Variants in ZNF475 observed in about 807,000 individuals in gnomAD.
ZNF475 encodes zinc finger protein 475.
the ZNF475 span, among the ~76,000 whole-genome samples, chr5:122,178,188 T>C: frequency 6.6e-6 from 1 of 152,172 alleles, no homozygotes; most frequent in Non-Finnish European, 1.5e-5. Flanking sequence ...TATTGTGAAC[T>C]GTGCTGCAGT....
At chr5:122,176,389 T>G in the ZNF475 span, among the ~76,000 whole-genome samples, 1 of 152,214 alleles carries the variant, frequency 6.6e-6, no homozygotes, top group Non-Finnish European at 1.5e-5. Context: ...TTATTTAAAT[T>G]CTACAATTAT....
the ZNF475 span, chr5:122,179,607 G>A: frequency 6.5e-7 from 1 of 1,531,052 alleles, no homozygotes; most frequent in Non-Finnish European, 8.7e-7. Context: ...TCGTGAATAT[G>A]GAACAAAATC....
chr5:122,162,295 A>G, the ZNF475 span: 1 of 152,360 alleles, frequency 6.6e-6, no homozygotes, highest in East Asian at 1.9e-4. Flanking sequence ...GACAGACCGG[A>G]TTGGGAAATT....
the ZNF475 span, chr5:122,180,014 C>T: frequency 1.3e-5 from 3 of 222,266 alleles, no homozygotes; most frequent in Non-Finnish European, 1.7e-5. Flanking sequence ...ATCATCAAAC[C>T]CTTTGAATGT....
chr5:122,173,845 T>TA, the ZNF475 span, among the ~76,000 whole-genome samples: 55 of 152,204 alleles, frequency 3.6e-4, no homozygotes, highest in Admixed American at 3.4e-3. Context: ...TAACTTTTTG[T>TA]AAAAAAAGTC....
chr5:122,170,309 C>T, the ZNF475 span, among the ~76,000 whole-genome samples: 1 of 152,142 alleles, frequency 6.6e-6, no homozygotes, highest in African/African-American at 2.4e-5. Context: ...GACTGCCCCC[C>T]AGCTTCAGAA....
At chr5:122,169,002 C>T in the ZNF475 span, among the ~76,000 whole-genome samples, 1 of 152,200 alleles carries the variant, frequency 6.6e-6, no homozygotes, top group Admixed American at 6.5e-5. Flanking sequence ...ACACTTAGAA[C>T]ATGTTGCGAC....
chr5:122,161,589 G>A, the ZNF475 span, among the ~76,000 whole-genome samples: 246 of 152,320 alleles, frequency 1.6e-3, 1 homozygote, highest in African/African-American at 5.6e-3. Context: ...CACATAAGCT[G>A]TAGACAAATC....
At chr5:122,166,960 C>G in the ZNF475 span, among the ~76,000 whole-genome samples, 6 of 152,152 alleles carry the variant, frequency 3.9e-5, no homozygotes, top group African/African-American at 1.4e-4. Flanking sequence ...GCTTTTGTTG[C>G]CATTGCTTTT....
At chr5:122,163,375 G>C in the ZNF475 span, 1 of 152,224 alleles carries the variant, frequency 6.6e-6, no homozygotes, top group South Asian at 2.1e-4. Context: ...CACTTGGTCA[G>C]ACATGTTTAA....
At chr5:122,181,329 A>G in the ZNF475 span, among the ~76,000 whole-genome samples, 1 of 152,332 alleles carries the variant, frequency 6.6e-6, no homozygotes, top group African/African-American at 2.4e-5. Context: ...ATCACCTTCA[A>G]GTGAGAGTCA....
the ZNF475 span, among the ~76,000 whole-genome samples, chr5:122,179,333 G>T: frequency 5.9e-5 from 9 of 152,206 alleles, no homozygotes; most frequent in African/African-American, 2.2e-4. Flanking sequence ...ACTTTGTGTA[G>T]TATGGCCGTT....
At chr5:122,165,332 T>C in the ZNF475 span, among the ~76,000 whole-genome samples, 1 of 152,226 alleles carries the variant, frequency 6.6e-6, no homozygotes, top group Non-Finnish European at 1.5e-5. Context: ...CAGATATTTA[T>C]GGACTAGCAA....
the ZNF475 span, among the ~76,000 whole-genome samples, chr5:122,175,681 C>G: frequency 8.5e-5 from 13 of 152,184 alleles, no homozygotes; most frequent in South Asian, 1.0e-3. Flanking sequence ...CTACAAACAC[C>G]TTTTCCCTTT....
the ZNF475 span, among the ~76,000 whole-genome samples, chr5:122,170,050 A>T: frequency 1.3e-5 from 2 of 152,252 alleles, no homozygotes; most frequent in South Asian, 4.1e-4. Context: ...TCATCATACA[A>T]GTATTTAACT....
At chr5:122,172,414 A>G in the ZNF475 span, among the ~76,000 whole-genome samples, 5 of 152,284 alleles carry the variant, frequency 3.3e-5, no homozygotes, top group African/African-American at 9.6e-5. Flanking sequence ...TTAACAATGA[A>G]TCATCTATTG....
the ZNF475 span, among the ~76,000 whole-genome samples, chr5:122,161,697 G>A: frequency 6.6e-6 from 1 of 151,926 alleles, no homozygotes; most frequent in Non-Finnish European, 1.5e-5. Context: ...GTCTGCCGTA[G>A]CCCATGGATT....
At chr5:122,160,240 CATCGACAG>C in the ZNF475 span, 8 of 1,289,816 alleles carry the variant, frequency 6.2e-6, no homozygotes, top group East Asian at 4.4e-4. Flanking sequence ...ATGGCTCTCA[CATCGACAG>C]ACCACAACAC....
chr5:122,172,748 T>C, the ZNF475 span, among the ~76,000 whole-genome samples: 1 of 152,144 alleles, frequency 6.6e-6, no homozygotes, highest in Non-Finnish European at 1.5e-5. Context: ...AGTGAACAAA[T>C]GTGGGCCGGG....
Sources: allele counts gnomAD v4.1 joint callset (sites outside exome capture counted in the v4.1 genomes callset), GRCh38; gene constraint gnomAD v4.1.1; transcripts MANE v1.5; gene names NCBI Gene and HGNC (gene_info 2026-07-23, HGNC 2026-07-21).